ACTN2: variants seen among roughly 807,000 people sequenced by gnomAD.
ACTN2 encodes alpha-actinin-2.
Under a neutral mutation model 113.8 loss-of-function variants are expected in ACTN2, and 39 were observed. That is an observed-to-expected ratio of 0.34 (90% CI 0.27 to 0.45). The LOEUF (loss-of-function observed/expected upper bound fraction) is 0.45. ACTN2 is among the 20% of genes least tolerant of loss of function. The pLI is 1.00. For missense variants in ACTN2, 992 were observed against 1,177.9 expected (o/e 0.84, Z 2.31); for synonymous variants, 429 against 444.1 (o/e 0.97, Z 0.43).
chr1:236,760,942 G>A (rs1332785732), intron 19 of ACTN2, 73 bp from the exon 20 acceptor site: 1 of 1,586,336 alleles, frequency 6.3e-7, no homozygotes, highest in African/African-American at 1.3e-5. Context: ...ATGTCACCAG[G>A]GAAAGAATGA....
At chr1:236,757,464 C>A (rs1558250231) in intron 17 of ACTN2, 22 bp from the exon 18 acceptor site, 2 of 1,614,074 alleles carry the variant, frequency 1.2e-6, no homozygotes, top group Admixed American at 1.7e-5. Context: ...TAGAACTGAT[C>A]TTTCCCCTTT....
intron 1 of ACTN2, among the ~76,000 whole-genome samples, chr1:236,702,215 GT>G (rs961277802): frequency 9.2e-5 from 14 of 152,018 alleles, no homozygotes; most frequent in Non-Finnish European, 1.9e-4. Context: ...AAGTTAAGTC[GT>G]TTTTTTCCCC....
At chr1:236,715,113 A>AT (rs1235970214) in intron 1 of ACTN2, among the ~76,000 whole-genome samples, 8 of 150,416 alleles carry the variant, frequency 5.3e-5, no homozygotes, top group African/African-American at 7.3e-5. Context: ...GAGAGGATGG[A>AT]TTTTTCTTTG....
chr1:236,754,911 C>A lies in ACTN2; in HGVS notation c.1975-108C>A. ...CCGAGTGACACTGGCCGCTGCCTGACGCTGGCCTAGCATCCCATGCAGGGT... is the reference window on the plus strand; with the variant it reads ...CCGAGTGACACTGGCCGCTGCCTGAAGCTGGCCTAGCATCCCATGCAGGGT... On this transcript the variant is annotated intron_variant, in intron 16 of 20. Transcript: ENST00000366578. The surrounding 1 kb of genome is among the most constrained non-coding windows in gnomAD (Gnocchi z 4.9). The A allele has an allele frequency of 7.5e-7, 1 of 1,333,252 alleles. No individual in the cohort carries two copies. Among genetic ancestry groups the A allele is most frequent in the Non-Finnish European group, 1.1e-6 (1 of 926,892 alleles). The allele number at this position is 1,333,252 out of a possible 1,614,324, so 82.6% of individuals were successfully genotyped here.
At chr1:236,740,048 C>T (rs967637476) in intron 10 of ACTN2, among the ~76,000 whole-genome samples, 1 of 152,204 alleles carries the variant, frequency 6.6e-6, no homozygotes, top group Non-Finnish European at 1.5e-5. Context: ...CTTGGCTCCC[C>T]TTCACAGCAA....
At chr1:236,741,920 G>A (rs969896348) in intron 10 of ACTN2, among the ~76,000 whole-genome samples, 1 of 152,048 alleles carries the variant, frequency 6.6e-6, no homozygotes, top group Non-Finnish European at 1.5e-5. Context: ...CTTGCCAAAC[G>A]CATCTCTCCC....
Position 236,738,772 on chromosome 1 carries a change from A to T in ACTN2, c.877-530A>T, listed in dbSNP as rs528214917. ...TACCACGTTCGCTTTTATCATGCAG[A>T]TTTACTTAAAAGCTAGACGTCAAAA... is the stretch of plus-strand genomic sequence containing the variant. On this transcript the variant is annotated intron_variant, in intron 9 of 20. Transcript: ENST00000366578. Among the ~76,000 whole-genome samples the T allele has an allele frequency of 5.9e-5, 9 of 152,260 alleles. No individual in the cohort carries two copies. In the East Asian group the frequency reaches 9.7e-4, roughly 16 times the overall value.
At chr1:236,695,563 T>TACCCC (rs1553296741) in intron 1 of ACTN2, among the ~76,000 whole-genome samples, 5 of 100,794 alleles carry the variant, frequency 5.0e-5, no homozygotes, top group South Asian at 3.8e-4. Flanking sequence ...TGAAATGAGT[T>TACCCC]CCCCCCCCCT....
intron 5 of ACTN2, 77 bp downstream of exon 5, chr1:236,726,097 C>A (rs1658542404): frequency 1.5e-6 from 2 of 1,293,656 alleles, no homozygotes; most frequent in African/African-American, 2.9e-5. Context: ...TTTGTGTGCA[C>A]CCGTGTTTTC....
chr1:236,736,612 A>G, intron 8 of ACTN2: 1 of 1,535,726 alleles, frequency 6.5e-7, no homozygotes, highest in Non-Finnish European at 8.7e-7. Context: ...CCCTCCAGAA[A>G]GTTCTACATG....
At chr1:236,731,540 T>C (rs1485832177) in intron 7 of ACTN2, among the ~76,000 whole-genome samples, 2 of 152,248 alleles carry the variant, frequency 1.3e-5, no homozygotes, top group African/African-American at 4.8e-5. Context: ...CCAGCAAAAT[T>C]ACAGGAAAAG....
At position 236,720,063 on chromosome 1, in the gene ACTN2, C is replaced by G. The variant is rs374057270; in HGVS notation, c.362-42C>G. 94 of 1,367,822 alleles carry G rather than the reference C, an allele frequency of 6.9e-5. No homozygotes were observed. The African/African-American group carries it at 1.2e-3, about 18-fold the overall frequency. 84.7% of individuals were successfully genotyped at this position (1,367,822 alleles called of 1,614,324 possible). On this transcript the variant is annotated intron_variant, in intron 3 of 20. Transcript: ENST00000366578. ...ATATAGGAAAAAAGTTACGTACAGA[C>G]TATGTTATCTTTACATTAATTTGTT...
chr1:236,726,522 C>T (rs142025649), intron 5 of ACTN2, among the ~76,000 whole-genome samples: 10 of 152,258 alleles, frequency 6.6e-5, no homozygotes, highest in East Asian at 5.8e-4. Context: ...AATGAAATCT[C>T]GACATCAGGG....
intron 4 of ACTN2, among the ~76,000 whole-genome samples, chr1:236,724,964 G>A (rs181160330): frequency 6.0e-5 from 9 of 150,650 alleles, no homozygotes; most frequent in Non-Finnish European, 1.0e-4. Flanking sequence ...TAGCATCTGT[G>A]AATTCCATTT....
chr1:236,697,427 A>G (rs182486537), intron 1 of ACTN2, among the ~76,000 whole-genome samples: 10 of 152,332 alleles, frequency 6.6e-5, no homozygotes, highest in Admixed American at 3.9e-4. Flanking sequence ...TACATATGCA[A>G]TGGCTGCAAC....
Position 236,754,233 on chromosome 1 carries a change from C to A in ACTN2, c.1974+152C>A. 1 of 1,101,106 alleles carries A rather than the reference C, an allele frequency of 9.1e-7. No homozygotes were observed. Among genetic ancestry groups the A allele is most frequent in the Admixed American group, 2.0e-5 (1 of 50,052 alleles). 68.2% of individuals were successfully genotyped at this position (1,101,106 alleles called of 1,614,324 possible). ...TTATCACCCCGGCTTTATCTTTCAG[C>A]CCCTGGCTGTTGGGGACAGTGTGCA... On this transcript the variant is annotated intron_variant, in intron 16 of 20. Coordinates refer to ENST00000366578, the MANE Select transcript of ACTN2 (RefSeq NM_001103.4). The surrounding 1 kb of genome is among the most constrained non-coding windows in gnomAD (Gnocchi z 4.9).
chr1:236,719,079 T>C, intron 3 of ACTN2, 66 bp downstream of exon 3: 1 of 1,605,916 alleles, frequency 6.2e-7, no homozygotes, highest in Admixed American at 1.7e-5. Flanking sequence ...GGGCTGCGAC[T>C]TGAATTCTCC....
intron 11 of ACTN2, among the ~76,000 whole-genome samples, chr1:236,743,586 G>T (rs1890515): frequency 1.3e-4 from 20 of 150,444 alleles, no homozygotes; most frequent in Non-Finnish European, 1.2e-4. Context: ...TTTTTTTTTA[G>T]CTGTCTCCTG....
rs994970465 is a variant in ACTN2 at position 236,763,548 on chromosome 1, C to T, written c.*929C>T. ...AGAAACCAGTATCCTTCTAGCTCTC[C>T]AGTCAGGACTTCCTTATGCCTCTAG... On this transcript the variant is annotated 3_prime_UTR_variant, in exon 21 of 21. Transcript: ENST00000366578. 1 of 152,208 alleles carries T rather than the reference C, an allele frequency of 6.6e-6. No homozygotes were observed. Among genetic ancestry groups the T allele is most frequent in the Non-Finnish European group, 1.5e-5 (1 of 68,042 alleles). The allele number at this position is 152,208 out of a possible 1,614,324, so 9.4% of individuals were successfully genotyped here. A position where few individuals can be genotyped will look rare whatever the true frequency, so the allele number is the denominator to read the frequency against.
Sources: allele counts gnomAD v4.1 joint callset (sites outside exome capture counted in the v4.1 genomes callset), GRCh38; gene constraint gnomAD v4.1.1; non-coding constraint Gnocchi (gnomAD v3.1); transcripts MANE v1.5; gene names NCBI Gene and HGNC (gene_info 2026-07-23, HGNC 2026-07-21).